Variants in KCNQ1OT1 observed in about 807,000 individuals in gnomAD.
KCNQ1OT1 encodes the protein KCNQ1 antisense RNA 2 (non-protein coding).
rs1422872030 is a variant in KCNQ1OT1 at position 2,617,804 on chromosome 11, A to G, written n.82191T>C. Reference sequence around the variant, plus strand: ...GATTAGTGATGTTAAATGTCTTTTCATATATGTGTTTGCCATTTTTATAAC... The same window carrying G: ...GATTAGTGATGTTAAATGTCTTTTCGTATATGTGTTTGCCATTTTTATAAC... On this transcript the variant is annotated non_coding_transcript_exon_variant, in exon 1 of 1. Coordinates refer to ENST00000597346, the Ensembl canonical transcript of KCNQ1OT1. This position sits in a 1 kb window ranked among gnomAD's most constrained non-coding sequence, Gnocchi z 4.6. 2.5e-6 allele frequency: 1 copy of G among 398,376 alleles called. No homozygotes were observed. The highest frequency in any genetic ancestry group is 2.1e-5 in the African/African-American group (1 of 48,602). The allele number at this position is 398,376 out of a possible 1,614,324, so 24.7% of individuals were successfully genotyped here.
rs1053641900 is a variant in KCNQ1OT1 at position 2,608,392 on chromosome 11, A to G, written n.91603T>C. On this transcript the variant is annotated non_coding_transcript_exon_variant, in exon 1 of 1. Transcript: ENST00000597346. The surrounding 1 kb of genome is among the most constrained non-coding windows in gnomAD (Gnocchi z 4.6). ...CAATTTCATCTAAGTTTTATAATTT[A>G]TTGGCACAAAATTGTTCATAGTGTT... 2.5e-6 allele frequency: 1 copy of G among 398,438 alleles called. No individual in the cohort carries two copies. The highest frequency in any genetic ancestry group is 2.1e-5 in the African/African-American group (1 of 48,610). 24.7% of individuals were successfully genotyped at this position (398,438 alleles called of 1,614,324 possible). A position where few individuals can be genotyped will look rare whatever the true frequency, so the allele number is the denominator to read the frequency against.
chr11:2,662,586 C>G (rs1326094840), exon 1 of KCNQ1OT1: 2 of 419,444 alleles, frequency 4.8e-6, no homozygotes, highest in African/African-American at 4.1e-5. Flanking sequence ...GGGATGCATG[C>G]CCGTCCTCCC....
chr11:2,655,747 A>C, exon 1 of KCNQ1OT1: 1 of 383,616 alleles, frequency 2.6e-6, no homozygotes, highest in Non-Finnish European at 4.6e-6. Context: ...AGGTGAAAAC[A>C]GGGAAGAGGT....
chr11:2,629,045 A>C, exon 1 of KCNQ1OT1: 1 of 398,080 alleles, frequency 2.5e-6, no homozygotes, highest in Non-Finnish European at 4.4e-6. Flanking sequence ...CTTTGTTCTT[A>C]TTGCTCAAGT....
chr11:2,641,734 C>T, exon 1 of KCNQ1OT1: 1 of 398,394 alleles, frequency 2.5e-6, no homozygotes, highest in Non-Finnish European at 4.4e-6. Context: ...AGTGTTTCCC[C>T]AATGTCTCCT....
chr11:2,685,374 G>T, exon 1 of KCNQ1OT1: 1 of 398,686 alleles, frequency 2.5e-6, no homozygotes, highest in Non-Finnish European at 4.4e-6. Context: ...TCTCTGCCTG[G>T]TACATGGGCA....
At chr11:2,632,244 T>G in exon 1 of KCNQ1OT1, 1 of 397,930 alleles carries the variant, frequency 2.5e-6, no homozygotes, top group Non-Finnish European at 4.4e-6. Context: ...ACTATCCTGC[T>G]ACTTTGCTGA....
At chr11:2,667,289 G>A (rs1850093973) in exon 1 of KCNQ1OT1, 2 of 398,626 alleles carry the variant, frequency 5.0e-6, no homozygotes, top group Non-Finnish European at 8.8e-6. Flanking sequence ...GCTATGGGGA[G>A]AGGGCCGCAC....
chr11:2,681,804 T>G (rs1210009642), exon 1 of KCNQ1OT1: 1 of 398,514 alleles, frequency 2.5e-6, no homozygotes, highest in Non-Finnish European at 4.4e-6. Flanking sequence ...AGTCCCTGCC[T>G]TCTCAGGTTA....
exon 1 of KCNQ1OT1, chr11:2,644,127 A>G (rs74501871): frequency 0.083 from 33,074 of 398,424 alleles, 1,516 homozygotes; most frequent in Middle Eastern, 0.12. Context: ...CTATATTTGG[A>G]TCTAAATCTC....
chr11:2,675,877 A>C, exon 1 of KCNQ1OT1: 1 of 398,688 alleles, frequency 2.5e-6, no homozygotes, highest in Non-Finnish European at 4.4e-6. Context: ...TGGGGAGCCA[A>C]TCGTGCTTTA....
rs1390991960 is a variant in KCNQ1OT1 at position 2,682,688 on chromosome 11, G to A, written n.17307C>T. 1.3e-5 allele frequency: 5 copies of A among 398,482 alleles called. No homozygotes were observed. The highest frequency in any genetic ancestry group is 8.2e-5 in the African/African-American group (4 of 48,622). 24.7% of individuals were successfully genotyped at this position (398,482 alleles called of 1,614,324 possible). On this transcript the variant is annotated non_coding_transcript_exon_variant, in exon 1 of 1. Coordinates refer to ENST00000597346, the Ensembl canonical transcript of KCNQ1OT1. The surrounding 1 kb of genome is among the most constrained non-coding windows in gnomAD (Gnocchi z 5.8). ...CATGCTATTGTCCATAGAAGCTGGG[G>A]TCCAAAGTTGACCAGAATATCTCTA...
At position 2,617,263 on chromosome 11, in the gene KCNQ1OT1, T is replaced by G. The variant is rs906117763; in HGVS notation, n.82732A>C. On this transcript the variant is annotated non_coding_transcript_exon_variant, in exon 1 of 1. Coordinates refer to ENST00000597346, the Ensembl canonical transcript of KCNQ1OT1. This position sits in a 1 kb window ranked among gnomAD's most constrained non-coding sequence, Gnocchi z 4.6. The stretch of plus-strand genomic sequence containing the variant: ...ACCTTGCCCATGGTAACCACTAGTT[T>G]ATTCTATCTCTGTATATTTGACTTT... The G allele has an allele frequency of 1.5e-5, 6 of 398,334 alleles. No individual in the cohort carries two copies. Among genetic ancestry groups the G allele is most frequent in the Non-Finnish European group, 2.2e-5 (5 of 225,944 alleles). The allele number at this position is 398,334 out of a possible 1,614,324, so 24.7% of individuals were successfully genotyped here.
Position 2,691,835 on chromosome 11 carries a change from G to T in KCNQ1OT1, n.8160C>A. The T allele has an allele frequency of 2.5e-6, 1 of 398,650 alleles. No homozygotes were observed. Among genetic ancestry groups the T allele is most frequent in the South Asian group, 1.3e-4 (1 of 7,848 alleles). The allele number at this position is 398,650 out of a possible 1,614,324, so 24.7% of individuals were successfully genotyped here. A position where few individuals can be genotyped will look rare whatever the true frequency, so the allele number is the denominator to read the frequency against. Reference sequence around the variant, plus strand: ...CTGGATCCAATGTGACCTCTGCCAGGACCATGACCCCTAGGTCCTCTTTTC... The same window carrying T: ...CTGGATCCAATGTGACCTCTGCCAGTACCATGACCCCTAGGTCCTCTTTTC... On this transcript the variant is annotated non_coding_transcript_exon_variant, in exon 1 of 1. Transcript: ENST00000597346. This position sits in a 1 kb window ranked among gnomAD's most constrained non-coding sequence, Gnocchi z 6.4.
chr11:2,691,523 A>T lies in KCNQ1OT1; in HGVS notation n.8472T>A. 2.5e-6 allele frequency: 1 copy of T among 398,446 alleles called. No homozygotes were observed. The highest frequency in any genetic ancestry group is 4.4e-6 in the Non-Finnish European group (1 of 226,054). 24.7% of individuals were successfully genotyped at this position (398,446 alleles called of 1,614,324 possible). ...CATTTTTCAGCTTGCTTGGCTTTGCATTAAAGTTGGGGGGATTTCTCTATC... is the reference window on the plus strand; with the variant it reads ...CATTTTTCAGCTTGCTTGGCTTTGCTTTAAAGTTGGGGGGATTTCTCTATC... On this transcript the variant is annotated non_coding_transcript_exon_variant, in exon 1 of 1. Transcript: ENST00000597346. The surrounding 1 kb of genome is among the most constrained non-coding windows in gnomAD (Gnocchi z 6.4).
At chr11:2,644,703 G>A in exon 1 of KCNQ1OT1, 1 of 398,564 alleles carries the variant, frequency 2.5e-6, no homozygotes, top group East Asian at 3.6e-5. Context: ...TCTTTCCTAA[G>A]AGAGTCTTGT....
chr11:2,679,443 T>G lies in KCNQ1OT1; in HGVS notation n.20552A>C, dbSNP rs540748661. On this transcript the variant is annotated non_coding_transcript_exon_variant, in exon 1 of 1. Transcript: ENST00000597346. This position sits in a 1 kb window ranked among gnomAD's most constrained non-coding sequence, Gnocchi z 4.8. ...TTCCTCAGAGGGTTGTTAGGAGGAT[T>G]ACACAAATTAATAATATAAAGTATG... is the stretch of plus-strand genomic sequence containing the variant. 3 of 398,502 alleles carry G rather than the reference T, an allele frequency of 7.5e-6. No homozygotes were observed. Among genetic ancestry groups the G allele is most frequent in the Non-Finnish European group, 1.3e-5 (3 of 226,070 alleles). The allele number at this position is 398,502 out of a possible 1,614,324, so 24.7% of individuals were successfully genotyped here.
chr11:2,629,693 T>C (rs1243985900), exon 1 of KCNQ1OT1: 4 of 398,412 alleles, frequency 1.0e-5, no homozygotes, highest in African/African-American at 8.2e-5. Flanking sequence ...CTATTTTAAA[T>C]GAAATTGTTT....
Position 2,691,668 on chromosome 11 carries a change from A to G in KCNQ1OT1, n.8327T>C, listed in dbSNP as rs1850590396. The stretch of plus-strand genomic sequence containing the variant: ...CGCCACAGTTCCAAGGGTGAAACAG[A>G]GAACCAGGTGGGGAAGGGGTCTCTC... On this transcript the variant is annotated non_coding_transcript_exon_variant, in exon 1 of 1. Transcript: ENST00000597346. The surrounding 1 kb of genome is among the most constrained non-coding windows in gnomAD (Gnocchi z 6.4). 2 of 398,588 alleles carry G rather than the reference A, an allele frequency of 5.0e-6. No homozygotes were observed. The highest frequency in any genetic ancestry group is 8.8e-6 in the Non-Finnish European group (2 of 226,072). The allele number at this position is 398,588 out of a possible 1,614,324, so 24.7% of individuals were successfully genotyped here. A position where few individuals can be genotyped will look rare whatever the true frequency, so the allele number is the denominator to read the frequency against.
Sources: gnomAD v4.1 joint callset for allele counts on GRCh38, gnomAD v4.1.1 for gene constraint, Gnocchi (gnomAD v3.1) non-coding constraint, MANE v1.5 for transcripts, NCBI Gene and HGNC (gene_info 2026-07-23, HGNC 2026-07-21) for gene names.